Variants in PLSCR4 observed in about 807,000 individuals in gnomAD.
The protein encoded by PLSCR4 is Ca(2+)-dependent phospholipid scramblase 4.
A neutral mutation model predicts 36.3 loss-of-function variants in PLSCR4; 25 were observed. That is an observed-to-expected ratio of 0.69 (90% CI 0.50 to 0.96). The LOEUF (loss-of-function observed/expected upper bound fraction) is 0.96, where lower values mean the gene tolerates loss of function less well. PLSCR4 is among the 40% of genes least tolerant of loss of function. PLSCR4 has a pLI of 0.00. For missense variants in PLSCR4, 408 were observed against 414.7 expected (o/e 0.98, Z 0.14); for synonymous variants, 122 against 132.9 (o/e 0.92, Z 0.56).
At chr3:146,206,291 G>A (rs890372701) in intron 4 of PLSCR4, among the ~76,000 whole-genome samples, 1 of 151,878 alleles carries the variant, frequency 6.6e-6, no homozygotes, top group Non-Finnish European at 1.5e-5. Flanking sequence ...TGAATGCCTT[G>A]AAGTTCAACA....
At position 146,221,980 on chromosome 3, in the gene PLSCR4, G is replaced by T. The variant is rs919514752; in HGVS notation, c.7+85C>A. ...GCCAAATGTTAAACAAAAAAAAATC[G>T]AAATAAAGTCCCCCTTTAGGGAAAA... On this transcript the variant is annotated intron_variant, in intron 2 of 8. Coordinates refer to ENST00000354952, the MANE Select transcript of PLSCR4 (RefSeq NM_020353.3). The T allele has an allele frequency of 1.5e-5, 10 of 666,994 alleles. 1 individual carries two copies. The South Asian group carries it at 2.4e-4, about 16-fold the overall frequency. The allele number at this position is 666,994 out of a possible 1,614,324, so 41.3% of individuals were successfully genotyped here. A position where few individuals can be genotyped will look rare whatever the true frequency, so the allele number is the denominator to read the frequency against.
intron 3 of PLSCR4, among the ~76,000 whole-genome samples, chr3:146,211,589 G>C (rs1273754696): frequency 2.0e-5 from 3 of 152,020 alleles, no homozygotes; most frequent in African/African-American, 7.2e-5. Flanking sequence ...TTGTGCTTTA[G>C]AGTGTCATAT....
intron 1 of PLSCR4, among the ~76,000 whole-genome samples, chr3:146,224,631 T>C (rs1021022402): frequency 2.0e-5 from 3 of 152,028 alleles, no homozygotes; most frequent in African/African-American, 7.2e-5. Context: ...AGCAGCAAGA[T>C]TTATTGCAAA....
intron 1 of PLSCR4, among the ~76,000 whole-genome samples, chr3:146,226,804 AAAAT>A (rs796437392): frequency 8.5e-5 from 13 of 152,354 alleles, no homozygotes; most frequent in East Asian, 1.9e-4. Context: ...ATAACTTGAA[AAAAT>A]AAATAAAATT....
At chr3:146,241,130 G>C (rs903324906) in intron 1 of PLSCR4, among the ~76,000 whole-genome samples, 1 of 152,154 alleles carries the variant, frequency 6.6e-6, no homozygotes, top group Non-Finnish European at 1.5e-5. Flanking sequence ...GAACTATCCA[G>C]AATAGGCAAG....
chr3:146,229,326 C>G (rs996748425), intron 1 of PLSCR4, among the ~76,000 whole-genome samples: 3 of 152,042 alleles, frequency 2.0e-5, no homozygotes, highest in Non-Finnish European at 4.4e-5. Flanking sequence ...TCATATTTGC[C>G]TGACCTCCAG....
chr3:146,200,083 T>C (rs1411019137), intron 5 of PLSCR4, 44 bp from the exon 6 acceptor site: 2 of 1,144,314 alleles, frequency 1.7e-6, no homozygotes, highest in South Asian at 1.3e-5. Flanking sequence ...ACATTTAAAA[T>C]GGGCCTCAGA....
At chr3:146,244,757 A>C (rs1026257024) in intron 1 of PLSCR4, among the ~76,000 whole-genome samples, 5 of 152,124 alleles carry the variant, frequency 3.3e-5, no homozygotes, top group Non-Finnish European at 5.9e-5. Flanking sequence ...AAATGCCTCT[A>C]AATATTCAAG....
At chr3:146,239,536 A>C (rs1038775824) in intron 1 of PLSCR4, among the ~76,000 whole-genome samples, 9 of 151,938 alleles carry the variant, frequency 5.9e-5, no homozygotes, top group African/African-American at 1.2e-4. Flanking sequence ...AAAAAAAAAA[A>C]AAACTTGGAC....
At chr3:146,234,590 A>G (rs1047563690) in intron 1 of PLSCR4, among the ~76,000 whole-genome samples, 8 of 152,080 alleles carry the variant, frequency 5.3e-5, no homozygotes, top group Non-Finnish European at 1.2e-4. Flanking sequence ...TTGAATGCAA[A>G]TGAATTTGGG....
rs748496012 is a variant in PLSCR4 at position 146,200,054 on chromosome 3, G to A, written c.398-15C>T. ...ACATGTCATCACTAAAAAATAAAAT[G>A]AGTAAGTCTATATTAGAAACATTTA... On this transcript the variant is annotated splice_polypyrimidine_tract_variant and intron_variant, in intron 5 of 8. Transcript: ENST00000354952. The A allele has an allele frequency of 3.2e-5, 45 of 1,407,774 alleles. No homozygotes were observed. The highest frequency in any genetic ancestry group is 4.5e-5 in the Non-Finnish European group (45 of 997,636). The allele number at this position is 1,407,774 out of a possible 1,614,324, so 87.2% of individuals were successfully genotyped here.
At chr3:146,239,880 T>C (rs373830036) in intron 1 of PLSCR4, among the ~76,000 whole-genome samples, 1 of 150,896 alleles carries the variant, frequency 6.6e-6, no homozygotes, top group Non-Finnish European at 1.5e-5. Context: ...TGAAACTCTA[T>C]CTCAAAAAAA....
chr3:146,232,455 A>G (rs2035750178), intron 1 of PLSCR4, among the ~76,000 whole-genome samples: 1 of 152,118 alleles, frequency 6.6e-6, no homozygotes, highest in Non-Finnish European at 1.5e-5. Context: ...AATGGTATTG[A>G]TTCTTCCTAT....
At chr3:146,234,769 A>T (rs887065275) in intron 1 of PLSCR4, among the ~76,000 whole-genome samples, 67 of 152,304 alleles carry the variant, frequency 4.4e-4, no homozygotes, top group African/African-American at 1.5e-3. Context: ...ATCCAGGAGA[A>T]ATGAATGCAT....
At chr3:146,231,320 A>G (rs2035702062) in intron 1 of PLSCR4, among the ~76,000 whole-genome samples, 1 of 152,180 alleles carries the variant, frequency 6.6e-6, no homozygotes, top group East Asian at 1.9e-4. Context: ...TGCAATGAAT[A>G]TAGAAGTGTA....
chr3:146,197,631 C>A (rs984171988), intron 6 of PLSCR4, among the ~76,000 whole-genome samples: 3 of 152,096 alleles, frequency 2.0e-5, no homozygotes, highest in Non-Finnish European at 4.4e-5. Flanking sequence ...CTGTTTTTAG[C>A]TATTTATCTT....
chr3:146,200,503 T>C (rs2033986632), intron 5 of PLSCR4, among the ~76,000 whole-genome samples: 1 of 152,054 alleles, frequency 6.6e-6, no homozygotes, highest in Admixed American at 6.6e-5. Context: ...ACAGCTGGTT[T>C]AGTGAGGGTC....
Position 146,220,872 on chromosome 3 carries a change from T to C in PLSCR4, c.61A>G (p.Lys21Glu). The change falls in exon 3 of 9, where the codon AAA (lysine) becomes GAA (glutamate). Residue 21 changes from lysine (K) to glutamate (E), a missense_variant. Transcript: ENST00000354952. ...GCATCAGGCCTTGGATCTGGTGGTT[T>C]TGTTTGATTTTCCATTTCACCTGCA... ...QPAGEMENQT[K>E]PPDPRPDAPP... 6.2e-7 allele frequency: 1 copy of C among 1,613,912 alleles called. No homozygotes were observed. The highest frequency in any genetic ancestry group is 8.5e-7 in the Non-Finnish European group (1 of 1,179,878).
At chr3:146,230,490 AG>A (rs1397287529) in intron 1 of PLSCR4, among the ~76,000 whole-genome samples, 2 of 152,320 alleles carry the variant, frequency 1.3e-5, no homozygotes, top group African/African-American at 4.8e-5. Flanking sequence ...AAGTGGCTCA[AG>A]GGGAGATCAT....
Sources: gnomAD v4.1 joint callset for allele counts (sites outside exome capture counted in the v4.1 genomes callset) on GRCh38, gnomAD v4.1.1 for gene constraint, MANE v1.5 for transcripts, NCBI Gene and HGNC (gene_info 2026-07-23, HGNC 2026-07-21) for gene names.